Variants in TNS1 observed in about 807,000 individuals in gnomAD.
TNS1 encodes tensin 1, also known as tensin-1.
Under a neutral mutation model 168.6 loss-of-function variants are expected in TNS1, and 62 were observed. The observed-to-expected ratio is 0.37, with a 90% CI of 0.30 to 0.45. The LOEUF is 0.45. Ranked by LOEUF, TNS1 falls within the 20% of genes least tolerant of loss-of-function variation. TNS1 has a pLI of 1.00. For synonymous variants in TNS1, 934 were observed against 933.2 expected (o/e 1.00, Z -0.02); for missense variants, 2,240 against 2,339.4 (o/e 0.96, Z 0.88).
upstream of TNS1, among the ~76,000 whole-genome samples, chr2:218,011,526 G>T (rs115524313): frequency 1.3e-5 from 2 of 152,180 alleles, no homozygotes; most frequent in African/African-American, 2.4e-5. Context: ...CCATCCCCCT[G>T]GGGCTGGGCT....
chr2:217,947,936 C>T (rs1436575822), intron 3 of TNS1, among the ~76,000 whole-genome samples: 5 of 152,224 alleles, frequency 3.3e-5, no homozygotes, highest in African/African-American at 1.2e-4. Context: ...GTGGAAGTGC[C>T]TATGATTCTC....
chr2:217,821,714 C>T (rs780186755), intron 23 of TNS1, 26 bp downstream of exon 23: 3 of 1,409,266 alleles, frequency 2.1e-6, no homozygotes, highest in Non-Finnish European at 2.8e-6. Flanking sequence ...TTCCCATCCC[C>T]CACCCACTGC....
chr2:217,930,495 C>T (rs1956263654), intron 3 of TNS1, among the ~76,000 whole-genome samples: 1 of 152,196 alleles, frequency 6.6e-6, no homozygotes, highest in Non-Finnish European at 1.5e-5. Context: ...TGCCACACTG[C>T]ACATGACCTG....
At chr2:217,930,732 C>T (rs994602514) in intron 3 of TNS1, among the ~76,000 whole-genome samples, 1 of 152,088 alleles carries the variant, frequency 6.6e-6, no homozygotes, top group East Asian at 1.9e-4. Flanking sequence ...GGCACGCGGC[C>T]GGAGGACTAG....
At chr2:217,886,152 C>A in intron 13 of TNS1, 48 bp from the exon 14 acceptor site, 1 of 1,594,602 alleles carries the variant, frequency 6.3e-7, no homozygotes, top group Non-Finnish European at 8.6e-7. Context: ...AACTGGCAGG[C>A]AGGAGGGGCA....
At chr2:217,971,996 T>G (rs1042471875) in intron 3 of TNS1, among the ~76,000 whole-genome samples, 2 of 152,220 alleles carry the variant, frequency 1.3e-5, no homozygotes, top group Non-Finnish European at 2.9e-5. Context: ...TCAGAAAGCT[T>G]TGTTGATCTC....
chr2:217,890,402 C>T (rs1039429085), intron 12 of TNS1: 1 of 152,788 alleles, frequency 6.5e-6, no homozygotes, highest in Non-Finnish European at 1.5e-5. Flanking sequence ...TATCTCAGTG[C>T]TTGGAGCCAT....
rs748841498 is a variant in TNS1 at position 217,848,777 on chromosome 2, G to A, written c.1740C>T (p.Gly580=). 5.0e-6 allele frequency: 8 copies of A among 1,614,022 alleles called. No individual in the cohort carries two copies. The highest frequency in any genetic ancestry group is 2.7e-5 in the African/African-American group (2 of 74,924). The change falls in exon 19 of 33, where the codon GGC becomes GGT. Residue 580 remains glycine (G), a synonymous_variant. Transcript: ENST00000682258. ...SGFGLEREKQ[G]AMYHTQHLRS... is the part of the protein sequence containing the mutation. ...TGAGGTGCTGGGTGTGGTACATGGCGCCTTGCTTCTCTCGCTCTAAGCCAA... is the reference window on the plus strand; with the variant it reads ...TGAGGTGCTGGGTGTGGTACATGGCACCTTGCTTCTCTCGCTCTAAGCCAA...
intron 1 of TNS1, among the ~76,000 whole-genome samples, chr2:218,018,806 C>T (rs1283158185): frequency 2.0e-5 from 3 of 152,172 alleles, no homozygotes; most frequent in East Asian, 3.9e-4. Context: ...AGGCTGGGCG[C>T]GGTGGCTCAT....
At chr2:217,863,381 G>A (rs1206141423) in intron 18 of TNS1, among the ~76,000 whole-genome samples, 1 of 152,112 alleles carries the variant, frequency 6.6e-6, no homozygotes, top group African/African-American at 2.4e-5. Flanking sequence ...AAATACTACT[G>A]GTGTCTAGTG....
intron 15 of TNS1, 61 bp from the exon 16 acceptor site, chr2:217,885,225 G>A: frequency 2.5e-6 from 4 of 1,608,178 alleles, no homozygotes; most frequent in Non-Finnish European, 2.5e-6. Context: ...AGGTCCCAGG[G>A]AGCCTCCTTA....
At chr2:217,807,903 A>C (rs996939525) in intron 32 of TNS1, among the ~76,000 whole-genome samples, 172 bp downstream of exon 32, 2 of 152,198 alleles carry the variant, frequency 1.3e-5, no homozygotes, top group African/African-American at 4.8e-5. Flanking sequence ...AGGACAAGGC[A>C]AAAGGCCTGG....
chr2:218,007,272 T>C (rs1173713858), upstream of TNS1, among the ~76,000 whole-genome samples: 1 of 152,166 alleles, frequency 6.6e-6, no homozygotes, highest in African/African-American at 2.4e-5. Flanking sequence ...GAAAGATTAA[T>C]ACCAATTAAC....
intron 10 of TNS1, 42 bp downstream of exon 10, chr2:217,893,397 C>CGT (rs753635184): frequency 8.1e-5 from 124 of 1,523,740 alleles, no homozygotes; most frequent in South Asian, 7.2e-4. Context: ...CATGTGCGCG[C>CGT]GCGCACACAC....
At chr2:217,819,012 C>T (rs1942396344) in intron 23 of TNS1, among the ~76,000 whole-genome samples, 1 of 152,226 alleles carries the variant, frequency 6.6e-6, no homozygotes, top group Non-Finnish European at 1.5e-5. Context: ...TTAGCTGTGT[C>T]TGATTCCAAA....
At chr2:217,939,939 G>A (rs768481662) in intron 3 of TNS1, among the ~76,000 whole-genome samples, 29 of 152,224 alleles carry the variant, frequency 1.9e-4, no homozygotes, top group Non-Finnish European at 3.7e-4. Context: ...GCTCTCTAGC[G>A]TCCAGCAACC....
At chr2:217,810,425 C>T in intron 28 of TNS1, 106 bp from the exon 29 acceptor site, 2 of 1,001,496 alleles carry the variant, frequency 2.0e-6, no homozygotes, top group South Asian at 1.4e-5. Flanking sequence ...AGGAACGCTG[C>T]TTTTCATACC....
intron 3 of TNS1, among the ~76,000 whole-genome samples, chr2:217,923,543 G>A (rs1955847563): frequency 6.6e-6 from 1 of 152,206 alleles, no homozygotes; most frequent in Non-Finnish European, 1.5e-5. Flanking sequence ...ACGATGCAAA[G>A]TCAGGGTCCG....
At chr2:217,892,260 C>A (rs558063466) in intron 11 of TNS1, among the ~76,000 whole-genome samples, 2 of 152,216 alleles carry the variant, frequency 1.3e-5, no homozygotes, top group South Asian at 4.2e-4. Context: ...CCCCACCATG[C>A]CTGGCTAATT....
Sources: gnomAD v4.1 joint callset for allele counts (sites outside exome capture counted in the v4.1 genomes callset) on GRCh38, gnomAD v4.1.1 for gene constraint, MANE v1.5 for transcripts, NCBI Gene and HGNC (gene_info 2026-07-23, HGNC 2026-07-21) for gene names.